ZFPM2: variants seen among roughly 807,000 people sequenced by gnomAD.
ZFPM2 encodes zinc finger protein ZFPM2.
A neutral mutation model predicts 98.6 loss-of-function variants in ZFPM2; 20 were observed. The observed-to-expected ratio is 0.20, with a 90% CI of 0.14 to 0.29. The LOEUF is 0.29. Ranked by LOEUF, ZFPM2 falls within the 10% of genes least tolerant of loss-of-function variation. ZFPM2 has a pLI of 1.00. For missense variants in ZFPM2, 1,310 were observed against 1,388.6 expected, an observed-to-expected ratio of 0.94 and a Z score of 0.90; for synonymous variants, 518 against 502.7, an observed-to-expected ratio of 1.03 and a Z score of -0.41.
intron 5 of ZFPM2, among the ~76,000 whole-genome samples, chr8:105,739,922 C>T (rs1222125992): frequency 1.2e-4 from 18 of 151,936 alleles, no homozygotes; most frequent in Admixed American, 1.2e-3. Flanking sequence ...TTGTGTTTCT[C>T]TCCACAATTT....
Position 105,318,652 on chromosome 8 carries a change from C to G in ZFPM2, c.-290C>G, listed in dbSNP as rs1389705418. ...TCTTTCCCCTTTTCTCTCTCCCTGACCGTTCGCTTGTACATTCCCATTCTC... is the reference window on the plus strand; with the variant it reads ...TCTTTCCCCTTTTCTCTCTCCCTGAGCGTTCGCTTGTACATTCCCATTCTC... On this transcript the variant is annotated 5_prime_UTR_variant, in exon 1 of 8. Transcript: ENST00000407775. 6.6e-6 allele frequency: 1 copy of G among 151,452 alleles called. No individual in the cohort carries two copies. The highest frequency in any genetic ancestry group is 2.4e-5 in the African/African-American group (1 of 41,330). The allele number at this position is 151,452 out of a possible 1,614,324, so 9.4% of individuals were successfully genotyped here. A position where few individuals can be genotyped will look rare whatever the true frequency, so the allele number is the denominator to read the frequency against.
rs566324948 is a variant in ZFPM2, at chr8:105,624,518, C to G, written c.421-9728C>G. 2.6e-5 allele frequency among the ~76,000 whole-genome samples: 4 copies of G among 152,162 alleles called. No homozygotes were observed. The East Asian group carries it at 7.7e-4, about 29-fold the overall frequency. On this transcript the variant is annotated intron_variant, in intron 4 of 7. Transcript: ENST00000407775. ...TGGAAAATGAAAGTATAATAAATAT[C>G]TGAATAGCTTAGATGTTTATTTTCA...
intron 1 of ZFPM2, among the ~76,000 whole-genome samples, chr8:105,335,692 A>C (rs1812313414): frequency 6.6e-6 from 1 of 151,810 alleles, no homozygotes; most frequent in Non-Finnish European, 1.5e-5. Context: ...AGTGGTCAGC[A>C]CCAAAAATAG....
intron 4 of ZFPM2, among the ~76,000 whole-genome samples, chr8:105,622,593 T>C (rs950782058): frequency 2.0e-5 from 3 of 152,152 alleles, no homozygotes; most frequent in Admixed American, 2.0e-4. Flanking sequence ...CATGCTCCAT[T>C]AGTTGCCCCA....
At chr8:105,648,942 G>T (rs1817111479) in intron 5 of ZFPM2, among the ~76,000 whole-genome samples, 1 of 152,234 alleles carries the variant, frequency 6.6e-6, no homozygotes, top group East Asian at 1.9e-4. Context: ...GATGGGGATG[G>T]CATTCAGTCT....
chr8:105,803,826 G>A lies in ZFPM2; in HGVS notation c.*288G>A, dbSNP rs1369566880. On this transcript the variant is annotated 3_prime_UTR_variant, in exon 8 of 8. Coordinates refer to ENST00000407775, the MANE Select transcript of ZFPM2 (RefSeq NM_012082.4). ...AAGTCATTTGTAATGTTATTGTATA[G>A]TTATTGTGTAGCACATATGGTTTGC... 2.8e-6 allele frequency: 1 copy of A among 353,488 alleles called. No individual in the cohort carries two copies. Among genetic ancestry groups the A allele is most frequent in the Non-Finnish European group, 5.3e-6 (1 of 190,448 alleles). The allele number at this position is 353,488 out of a possible 1,614,324, so 21.9% of individuals were successfully genotyped here.
At chr8:105,790,907 A>T (rs2055984327) in intron 6 of ZFPM2, among the ~76,000 whole-genome samples, 1 of 152,124 alleles carries the variant, frequency 6.6e-6, no homozygotes, top group African/African-American at 2.4e-5. Context: ...TTATTGGTGT[A>T]TAAGAATGCT....
intron 3 of ZFPM2, among the ~76,000 whole-genome samples, chr8:105,514,898 A>G (rs956440008): frequency 1.3e-5 from 2 of 152,204 alleles, no homozygotes; most frequent in African/African-American, 4.8e-5. Context: ...GCTCTTAATC[A>G]GTATCCATAT....
intron 5 of ZFPM2, among the ~76,000 whole-genome samples, chr8:105,640,366 A>G (rs1465559240): frequency 6.6e-6 from 1 of 152,002 alleles, no homozygotes; most frequent in Non-Finnish European, 1.5e-5. Context: ...CAGCAGTGGC[A>G]GCAATAGTTT....
intron 3 of ZFPM2, among the ~76,000 whole-genome samples, chr8:105,548,185 G>T (rs865891507): frequency 1.3e-4 from 20 of 152,134 alleles, no homozygotes; most frequent in African/African-American, 4.1e-4. Context: ...TATACACTGA[G>T]AGGACATGAT....
At chr8:105,678,908 G>C (rs1810535922) in intron 5 of ZFPM2, 1 of 152,078 alleles carries the variant, frequency 6.6e-6, no homozygotes. Context: ...TCTAATTTCT[G>C]GACACATCAC....
At chr8:105,356,410 A>G (rs151135863) in intron 1 of ZFPM2, among the ~76,000 whole-genome samples, 4 of 152,344 alleles carry the variant, frequency 2.6e-5, no homozygotes, top group East Asian at 1.9e-4. Context: ...CTGGCAATCA[A>G]TAAAAGTTAT....
At chr8:105,723,950 T>G (rs1335544611) in intron 5 of ZFPM2, among the ~76,000 whole-genome samples, 1 of 151,834 alleles carries the variant, frequency 6.6e-6, no homozygotes, top group Non-Finnish European at 1.5e-5. Flanking sequence ...TTGTAGCCTC[T>G]TGGTTGGCTG....
chr8:105,333,052 A>G (rs1475297401), intron 1 of ZFPM2, among the ~76,000 whole-genome samples: 1 of 151,742 alleles, frequency 6.6e-6, no homozygotes, highest in Non-Finnish European at 1.5e-5. Flanking sequence ...TTGCTTGATA[A>G]TTGCTTTGAT....
chr8:105,374,585 T>C (rs1034187996), intron 1 of ZFPM2, among the ~76,000 whole-genome samples: 8 of 152,068 alleles, frequency 5.3e-5, no homozygotes, highest in Non-Finnish European at 8.8e-5. Flanking sequence ...GGGATCTCCC[T>C]ATGTTGCCCA....
intron 3 of ZFPM2, among the ~76,000 whole-genome samples, chr8:105,501,955 AT>A (rs1813605273): frequency 6.6e-6 from 1 of 152,168 alleles, no homozygotes; most frequent in Admixed American, 6.5e-5. Flanking sequence ...TCTTTAGATG[AT>A]TTCTGATTAA....
At chr8:105,425,563 A>C (rs1202512030) in intron 2 of ZFPM2, among the ~76,000 whole-genome samples, 10 of 152,196 alleles carry the variant, frequency 6.6e-5, no homozygotes, top group Non-Finnish European at 1.3e-4. Flanking sequence ...AGAGAAGTAG[A>C]ACCAGTTTCA....
chr8:105,333,628 T>C (rs1812273976), intron 1 of ZFPM2, among the ~76,000 whole-genome samples: 1 of 151,648 alleles, frequency 6.6e-6, no homozygotes, highest in African/African-American at 2.4e-5. Context: ...CTCATATGTG[T>C]GCTCATTACA....
At chr8:105,786,928 A>T (rs1017715203) in intron 5 of ZFPM2, 9 of 152,210 alleles carry the variant, frequency 5.9e-5, no homozygotes, top group African/African-American at 1.7e-4. Context: ...TTAATGACTG[A>T]AGTCTAGTGA....
Sources: gnomAD v4.1 joint callset for allele counts (sites outside exome capture counted in the v4.1 genomes callset) on GRCh38, gnomAD v4.1.1 for gene constraint, MANE v1.5 for transcripts, NCBI Gene and HGNC (gene_info 2026-07-23, HGNC 2026-07-21) for gene names.